The following THRB variants were observed in gnomAD, a reference collection of about 807,000 sequenced individuals.
THRB encodes the protein nuclear receptor subfamily 1 group A member 2.
A neutral mutation model predicts 47.8 loss-of-function variants in THRB; 12 were observed. That is an observed-to-expected ratio of 0.25 (90% CI 0.16 to 0.41). THRB has a LOEUF of 0.41. Ranked by LOEUF, THRB falls within the 10% of genes least tolerant of loss-of-function variation. The pLI, the probability that THRB is intolerant of heterozygous loss-of-function variation, is 1.00. For synonymous variants in THRB, 218 were observed against 212.2 expected (o/e 1.03, Z -0.24); for missense variants, 348 against 589.2 (o/e 0.59, Z 4.24).
chr3:24,201,491 TC>T (rs2044592197), intron 4 of THRB, among the ~76,000 whole-genome samples: 1 of 152,208 alleles, frequency 6.6e-6, no homozygotes, highest in African/African-American at 2.4e-5. Flanking sequence ...TTTAACAAGA[TC>T]CCCATGTGAC....
At chr3:24,388,273 C>A (rs1453572563) in intron 1 of THRB, among the ~76,000 whole-genome samples, 2 of 152,218 alleles carry the variant, frequency 1.3e-5, no homozygotes, top group East Asian at 3.9e-4. Flanking sequence ...TAAATGTTAG[C>A]AGAGACATTT....
intron 3 of THRB, among the ~76,000 whole-genome samples, chr3:24,280,304 G>T (rs1302652690): frequency 6.6e-6 from 1 of 152,146 alleles, no homozygotes; most frequent in Non-Finnish European, 1.5e-5. Flanking sequence ...GCCTAACTGG[G>T]AGGCACACCC....
At chr3:24,387,043 C>T (rs1264794622) in intron 1 of THRB, among the ~76,000 whole-genome samples, 1 of 152,136 alleles carries the variant, frequency 6.6e-6, no homozygotes, top group Non-Finnish European at 1.5e-5. Flanking sequence ...CCTTTCTTCT[C>T]TTATCCTCTC....
chr3:24,198,185 T>A (rs73037670), intron 4 of THRB, among the ~76,000 whole-genome samples: 3,991 of 152,268 alleles, frequency 0.026, 74 homozygotes, highest in South Asian at 0.068. Flanking sequence ...CCCCAGCTGA[T>A]GCCATGAGAC....
At chr3:24,295,691 C>A (rs189327480) in intron 3 of THRB, among the ~76,000 whole-genome samples, 2 of 152,232 alleles carry the variant, frequency 1.3e-5, no homozygotes, top group African/African-American at 4.8e-5. Flanking sequence ...AGGAAAACCC[C>A]GTATCACAGA....
chr3:24,235,847 C>G (rs2048805683), intron 3 of THRB, among the ~76,000 whole-genome samples: 2 of 152,054 alleles, frequency 1.3e-5, no homozygotes, highest in Non-Finnish European at 2.9e-5. Flanking sequence ...GGGGGCATAG[C>G]TTAGGGATGT....
chr3:24,131,105 A>G (rs937475350), intron 9 of THRB, among the ~76,000 whole-genome samples: 1 of 152,226 alleles, frequency 6.6e-6, no homozygotes, highest in African/African-American at 2.4e-5. Context: ...ACATATCCAC[A>G]TTCTTTAATA....
At chr3:24,460,055 CTCTTT>C (rs1366735424) in intron 1 of THRB, among the ~76,000 whole-genome samples, 1 of 152,032 alleles carries the variant, frequency 6.6e-6, no homozygotes, top group Admixed American at 6.6e-5. Context: ...ACCTGCTGTC[CTCTTT>C]TCTTTGCTTC....
chr3:24,180,456 G>T (rs2683540), intron 5 of THRB, among the ~76,000 whole-genome samples: 40,697 of 152,126 alleles, frequency 0.27, 6,064 homozygotes, highest in African/African-American at 0.38. Context: ...CAGTAAAGTT[G>T]AATAAAGTCA....
At chr3:24,187,490 C>A (rs2149550815) in intron 5 of THRB, among the ~76,000 whole-genome samples, 1 of 152,250 alleles carries the variant, frequency 6.6e-6, no homozygotes, top group South Asian at 2.1e-4. Flanking sequence ...TTGTTCGTAT[C>A]ATTTCTACAT....
At chr3:24,207,035 G>T (rs1341315447) in intron 4 of THRB, among the ~76,000 whole-genome samples, 1 of 152,212 alleles carries the variant, frequency 6.6e-6, no homozygotes, top group East Asian at 1.9e-4. Flanking sequence ...TCCAGGACCA[G>T]ACGGATTCAC....
intron 8 of THRB, among the ~76,000 whole-genome samples, chr3:24,140,735 C>A (rs2035329146): frequency 6.6e-6 from 1 of 152,092 alleles, no homozygotes; most frequent in Non-Finnish European, 1.5e-5. Flanking sequence ...CATCAGATAC[C>A]AGCCTAGATT....
chr3:24,383,152 C>T (rs2065836625), intron 1 of THRB, among the ~76,000 whole-genome samples: 1 of 152,056 alleles, frequency 6.6e-6, no homozygotes, highest in Admixed American at 6.6e-5. Flanking sequence ...ACTATAAGCT[C>T]TAGGAAAGTT....
intron 1 of THRB, among the ~76,000 whole-genome samples, chr3:24,360,901 G>A (rs895299580): frequency 6.6e-6 from 1 of 152,028 alleles, no homozygotes; most frequent in Non-Finnish European, 1.5e-5. Context: ...GTGCTTAATT[G>A]GTCTGTGGTG....
chr3:24,291,878 T>A (rs181834978), intron 3 of THRB, among the ~76,000 whole-genome samples: 346 of 152,300 alleles, frequency 2.3e-3, no homozygotes, highest in Non-Finnish European at 3.3e-3. Context: ...TTGGAATTTA[T>A]CCTGCAGACA....
At chr3:24,375,712 GA>G (rs2065237593) in intron 1 of THRB, among the ~76,000 whole-genome samples, 1 of 151,800 alleles carries the variant, frequency 6.6e-6, no homozygotes, top group African/African-American at 2.4e-5. Context: ...TCACAGCCCT[GA>G]AAAGTTGCTA....
chr3:24,471,669 C>A (rs899517096), intron 1 of THRB, among the ~76,000 whole-genome samples: 1 of 152,132 alleles, frequency 6.6e-6, no homozygotes, highest in Non-Finnish European at 1.5e-5. Flanking sequence ...ACAGAGAGGA[C>A]TGAGGCAGAG....
chr3:24,309,092 C>A (rs1438425648), intron 2 of THRB, among the ~76,000 whole-genome samples: 2 of 152,188 alleles, frequency 1.3e-5, no homozygotes, highest in Admixed American at 6.5e-5. Flanking sequence ...GAGAGGCCAT[C>A]TCTGACCACA....
At chr3:24,476,814 A>C (rs1695520758) in intron 1 of THRB, among the ~76,000 whole-genome samples, 1 of 151,736 alleles carries the variant, frequency 6.6e-6, no homozygotes, top group African/African-American at 2.4e-5. Context: ...TAAAATTCTT[A>C]TTGTTATTGC....
Sources: gnomAD v4.1 joint callset for allele counts (sites outside exome capture counted in the v4.1 genomes callset) on GRCh38, gnomAD v4.1.1 for gene constraint, MANE v1.5 for transcripts, NCBI Gene and HGNC (gene_info 2026-07-23, HGNC 2026-07-21) for gene names.